PTPRT: variants seen among roughly 807,000 people sequenced by gnomAD.
PTPRT encodes the protein protein tyrosine phosphatase receptor type T.
PTPRT carries 56 observed loss-of-function variants against 176.8 expected under a neutral mutation model. That is an observed-to-expected ratio of 0.32 (90% CI 0.26 to 0.40). The LOEUF (loss-of-function observed/expected upper bound fraction) is 0.40, where lower values mean the gene tolerates loss of function less well. Ranked by LOEUF, PTPRT falls within the 10% of genes least tolerant of loss-of-function variation. PTPRT has a pLI of 1.00. For synonymous variants in PTPRT, 783 were observed against 739.0 expected (o/e 1.06, Z -0.96); for missense variants, 1,540 against 1,908.2 (o/e 0.81, Z 3.60).
At chr20:42,588,246 C>T (rs2073506361) in intron 7 of PTPRT, among the ~76,000 whole-genome samples, 1 of 152,090 alleles carries the variant, frequency 6.6e-6, no homozygotes, top group African/African-American at 2.4e-5. Context: ...GAGCTTAAGA[C>T]CAGTCTGGTC....
intron 7 of PTPRT, among the ~76,000 whole-genome samples, chr20:42,552,616 C>CAT (rs2072789450): frequency 6.6e-6 from 1 of 152,084 alleles, no homozygotes; most frequent in African/African-American, 2.4e-5. Context: ...CATAAAGGAT[C>CAT]ATATTTTCTC....
At chr20:42,751,319 C>T (rs535768940) in intron 6 of PTPRT, among the ~76,000 whole-genome samples, 1 of 152,126 alleles carries the variant, frequency 6.6e-6, no homozygotes, top group Non-Finnish European at 1.5e-5. Context: ...GTCCATGTAA[C>T]TAGATGGCTG....
chr20:42,123,156 T>TGGAAGA (rs1600551910), intron 19 of PTPRT, among the ~76,000 whole-genome samples: 1 of 152,182 alleles, frequency 6.6e-6, no homozygotes, highest in East Asian at 1.9e-4. Flanking sequence ...AGCATCCTCT[T>TGGAAGA]AATGCTCAGG....
chr20:43,068,917 A>T (rs1337950381), intron 1 of PTPRT, among the ~76,000 whole-genome samples: 1 of 152,178 alleles, frequency 6.6e-6, no homozygotes, highest in African/African-American at 2.4e-5. Flanking sequence ...AGGTCACTGG[A>T]GTTGCAGGGT....
At chr20:43,103,743 G>A (rs957300838) in intron 1 of PTPRT, among the ~76,000 whole-genome samples, 1 of 97,190 alleles carries the variant, frequency 1.0e-5, no homozygotes, top group Non-Finnish European at 2.2e-5. Flanking sequence ...ATGGAGAGGG[G>A]AGATCAGTAA....
intron 7 of PTPRT, among the ~76,000 whole-genome samples, chr20:42,552,438 A>C (rs1041041284): frequency 6.6e-6 from 1 of 152,180 alleles, no homozygotes; most frequent in Non-Finnish European, 1.5e-5. Flanking sequence ...TGTGTGAAAA[A>C]TATCCAATCT....
intron 2 of PTPRT, among the ~76,000 whole-genome samples, chr20:42,883,998 C>G (rs1278170519): frequency 2.0e-5 from 3 of 151,602 alleles, no homozygotes; most frequent in African/African-American, 7.3e-5. Flanking sequence ...CGTATACACA[C>G]TATAAGATCC....
intron 3 of PTPRT, among the ~76,000 whole-genome samples, chr20:42,787,553 A>G (rs1021511483): frequency 1.3e-5 from 2 of 152,210 alleles, no homozygotes; most frequent in Non-Finnish European, 2.9e-5. Flanking sequence ...AGCCTTCACT[A>G]CAGAGAATCT....
chr20:42,721,369 C>T (rs2076299819), intron 6 of PTPRT, among the ~76,000 whole-genome samples: 2 of 152,078 alleles, frequency 1.3e-5, no homozygotes, highest in African/African-American at 2.4e-5. Flanking sequence ...GTTGTGGAGG[C>T]CTCATGTGAT....
intron 7 of PTPRT, among the ~76,000 whole-genome samples, chr20:42,666,435 G>T (rs974131080): frequency 6.6e-6 from 1 of 152,204 alleles, no homozygotes; most frequent in African/African-American, 2.4e-5. Context: ...AATTATTATA[G>T]TTTTTACAAA....
At chr20:42,329,482 C>CACACACACACACACAT (rs1759087914) in intron 11 of PTPRT, among the ~76,000 whole-genome samples, 2 of 136,194 alleles carry the variant, frequency 1.5e-5, no homozygotes, top group African/African-American at 5.5e-5. Context: ...GGCACACACA[C>CACACACACACACACAT]ACACACACAC....
chr20:42,089,992 C>A (rs1215910425), intron 27 of PTPRT, among the ~76,000 whole-genome samples: 1 of 152,134 alleles, frequency 6.6e-6, no homozygotes, highest in East Asian at 1.9e-4. Context: ...TGTTGTGTAG[C>A]AAAAGGTGCG....
chr20:42,187,390 AACCGGTGCTG>A (rs989166760), intron 16 of PTPRT, among the ~76,000 whole-genome samples: 15 of 152,320 alleles, frequency 9.8e-5, no homozygotes, highest in Middle Eastern at 3.4e-3. Flanking sequence ...ACTAAAAGTC[AACCGGTGCTG>A]AGTAACTAAA....
At chr20:42,814,533 GCA>G (rs886844990) in intron 2 of PTPRT, among the ~76,000 whole-genome samples, 4 of 152,152 alleles carry the variant, frequency 2.6e-5, no homozygotes, top group African/African-American at 9.7e-5. Context: ...TTATTACTCT[GCA>G]GTAATGAACT....
chr20:42,611,391 C>T (rs1355042431), intron 7 of PTPRT, among the ~76,000 whole-genome samples: 6 of 152,176 alleles, frequency 3.9e-5, no homozygotes, highest in East Asian at 1.9e-4. Flanking sequence ...TTTATGTTAT[C>T]TCATTTCATC....
chr20:43,169,809 C>T (rs772478808), intron 1 of PTPRT, among the ~76,000 whole-genome samples: 1 of 152,124 alleles, frequency 6.6e-6, no homozygotes, highest in African/African-American at 2.4e-5. Flanking sequence ...ACCTTCTGAG[C>T]TTAGAAATCA....
At chr20:43,188,859 G>C (rs546895428) in intron 1 of PTPRT, among the ~76,000 whole-genome samples, 1 of 34 alleles carries the variant, frequency 0.029, no homozygotes, top group Non-Finnish European at 0.083. Context: ...TTAGGAGCAC[G>C]GCAGGCACCA....
intron 7 of PTPRT, among the ~76,000 whole-genome samples, chr20:42,575,577 C>A (rs1440765244): frequency 6.6e-6 from 1 of 152,198 alleles, no homozygotes; most frequent in Non-Finnish European, 1.5e-5. Flanking sequence ...CAAATATTTT[C>A]TGTAAAGGAC....
At chr20:42,624,694 G>A (rs1170227569) in intron 7 of PTPRT, among the ~76,000 whole-genome samples, 1 of 152,216 alleles carries the variant, frequency 6.6e-6, no homozygotes, top group East Asian at 1.9e-4. Flanking sequence ...TGAGGGGCCA[G>A]GAGTGGTGGG....
Sources: allele counts gnomAD v4.1 joint callset (sites outside exome capture counted in the v4.1 genomes callset), GRCh38; gene constraint gnomAD v4.1.1; transcripts MANE v1.5; gene names NCBI Gene and HGNC (gene_info 2026-07-23, HGNC 2026-07-21).